ZFAT: variants seen among roughly 807,000 people sequenced by gnomAD.
ZFAT encodes the protein zinc finger protein ZFAT.
ZFAT carries 64 observed loss-of-function variants against 117.7 expected under a neutral mutation model. That is an observed-to-expected ratio of 0.54 (90% CI 0.44 to 0.67). ZFAT has a LOEUF of 0.67. ZFAT is among the 30% of genes least tolerant of loss of function. The pLI is 0.00. For synonymous variants in ZFAT, 679 were observed against 615.0 expected (o/e 1.10, Z -1.54); for missense variants, 1,433 against 1,584.5 (o/e 0.90, Z 1.62).
chr8:134,511,933 T>C (rs902384560), intron 14 of ZFAT, among the ~76,000 whole-genome samples: 2 of 152,144 alleles, frequency 1.3e-5, no homozygotes, highest in Non-Finnish European at 2.9e-5. Flanking sequence ...TCTCTGCTAC[T>C]CTCTACCACC....
At chr8:134,545,048 C>T (rs1306933467) in intron 11 of ZFAT, among the ~76,000 whole-genome samples, 2 of 152,166 alleles carry the variant, frequency 1.3e-5, no homozygotes, top group African/African-American at 2.4e-5. Flanking sequence ...ACAGAAGGAA[C>T]CCAATTATCC....
At chr8:134,616,443 C>T (rs181246181) in intron 3 of ZFAT, among the ~76,000 whole-genome samples, 111 of 152,250 alleles carry the variant, frequency 7.3e-4, no homozygotes, top group Non-Finnish European at 1.1e-3. Context: ...GCGTTTTGTC[C>T]CCTGAAATGC....
At chr8:134,742,007 C>G in the ZFAT span, among the ~76,000 whole-genome samples, 1 of 152,166 alleles carries the variant, frequency 6.6e-6, no homozygotes, top group African/African-American at 2.4e-5. Context: ...TGTGCCTCAT[C>G]AGTTTCCTCT....
At chr8:134,824,450 C>T in the ZFAT span, among the ~76,000 whole-genome samples, 5 of 152,184 alleles carry the variant, frequency 3.3e-5, no homozygotes, top group Non-Finnish European at 7.4e-5. Flanking sequence ...CAGAACCTTG[C>T]TCAACTGAAA....
In ZFAT at chr8:134,602,298, C is replaced by T. The variant is rs374372896; in HGVS notation, c.1421G>A (p.Arg474His). Reference protein sequence around the residue: ...RKKFVSSIRLRTHIKEVHGAA... With the variant: ...RKKFVSSIRLHTHIKEVHGAA... ...CCCGTGCACCTCTTTGATGTGGGTGCGCAGCCTGATGGAGCTGACGAACTT... is the reference window on the plus strand; with the variant it reads ...CCCGTGCACCTCTTTGATGTGGGTGTGCAGCCTGATGGAGCTGACGAACTT... The change falls in exon 6 of 16, where the codon CGC (arginine) becomes CAC (histidine). Residue 474 changes from arginine (R) to histidine (H), a missense_variant. Coordinates refer to ENST00000377838, the MANE Select transcript of ZFAT (RefSeq NM_020863.4). 61 of 1,613,830 alleles carry T rather than the reference C, an allele frequency of 3.8e-5. No homozygotes were observed. The highest frequency in any genetic ancestry group is 4.4e-5 in the South Asian group (4 of 91,096).
intron 1 of ZFAT, among the ~76,000 whole-genome samples, chr8:134,699,642 C>G (rs890201856): frequency 4.1e-4 from 62 of 152,316 alleles, no homozygotes; most frequent in African/African-American, 1.3e-3. Context: ...AAGCTCAAAT[C>G]CTGGCTGGAC....
intron 1 of ZFAT, among the ~76,000 whole-genome samples, chr8:134,694,256 G>A (rs1034049717): frequency 6.6e-6 from 1 of 152,220 alleles, no homozygotes; most frequent in Non-Finnish European, 1.5e-5. Flanking sequence ...GACATCTCAA[G>A]AGGAGCGCTA....
chr8:134,768,569 A>G, the ZFAT span, among the ~76,000 whole-genome samples: 2 of 152,226 alleles, frequency 1.3e-5, no homozygotes, highest in Admixed American at 6.5e-5. Flanking sequence ...CATATCTTAC[A>G]TGAGTGGCAG....
At chr8:134,712,758 C>G (rs1170336797) in intron 1 of ZFAT, 87 bp downstream of exon 1, 2 of 1,373,292 alleles carry the variant, frequency 1.5e-6, no homozygotes, top group Non-Finnish European at 1.9e-6. Context: ...CGCACTGCTT[C>G]CCGACTCGAC....
At chr8:134,587,561 G>A (rs1472268111) in intron 9 of ZFAT, among the ~76,000 whole-genome samples, 1 of 152,142 alleles carries the variant, frequency 6.6e-6, no homozygotes, top group African/African-American at 2.4e-5. Context: ...TGTCTGGAAG[G>A]GCTTTCCCTG....
the ZFAT span, among the ~76,000 whole-genome samples, chr8:134,744,444 C>A: frequency 6.6e-6 from 1 of 151,830 alleles, no homozygotes; most frequent in African/African-American, 2.4e-5. Context: ...TACAGGCACC[C>A]GCCACCATGC....
the ZFAT span, chr8:134,785,310 G>A: frequency 1.3e-5 from 2 of 152,008 alleles, no homozygotes; most frequent in South Asian, 2.1e-4. Flanking sequence ...TACCTTCCAC[G>A]TCTGTGGCTG....
At chr8:134,501,636 G>A (rs1317900119) in intron 15 of ZFAT, among the ~76,000 whole-genome samples, 3 of 152,216 alleles carry the variant, frequency 2.0e-5, no homozygotes, top group Admixed American at 2.0e-4. Context: ...CACACGCACA[G>A]GCAAGATGAA....
At chr8:134,816,977 T>A in the ZFAT span, among the ~76,000 whole-genome samples, 1 of 139,184 alleles carries the variant, frequency 7.2e-6, no homozygotes, top group Non-Finnish European at 1.5e-5. Flanking sequence ...TAAGACTCCA[T>A]CTCAAAAAAA....
intron 2 of ZFAT, among the ~76,000 whole-genome samples, chr8:134,639,376 G>C (rs1453236020): frequency 1.3e-5 from 2 of 152,182 alleles, no homozygotes; most frequent in African/African-American, 4.8e-5. Flanking sequence ...GGTCAGCCTT[G>C]GCTGAAAGAT....
the ZFAT span, among the ~76,000 whole-genome samples, chr8:134,787,942 ATAAGT>A: frequency 2.0e-5 from 3 of 152,118 alleles, no homozygotes; most frequent in African/African-American, 7.2e-5. Context: ...AGTGACCTTG[ATAAGT>A]TATTTTGTTT....
rs1302009509 is a variant in ZFAT, at chr8:134,712,845, C to G, written c.19G>C (p.Glu7Gln). 2 of 1,504,074 alleles carry G rather than the reference C, an allele frequency of 1.3e-6. No homozygotes were observed. Among genetic ancestry groups the G allele is most frequent in the Admixed American group, 2.2e-5 (1 of 45,956 alleles). The allele number at this position is 1,504,074 out of a possible 1,614,324, so 93.2% of individuals were successfully genotyped here. The change falls in exon 1 of 16, where the codon GAA becomes CAA. Residue 7 changes from glutamate (E) to glutamine (Q), a missense_variant and splice_region_variant. Physicochemically the swap from Glu to Gln is conservative, Grantham distance 29. This residue lies in a region of ZFAT where 436 missense variants were observed against 482.0 expected (regional missense o/e 0.90). Coordinates refer to ENST00000377838, the MANE Select transcript of ZFAT (RefSeq NM_020863.4). METRAA[E>Q]NTAIFMCKCC... ...CACCCCAACCCCCAGCCCGGCTCAC[C>G]TGCCGCCCGCGTCTCCATGGCAACG...
the ZFAT span, among the ~76,000 whole-genome samples, chr8:134,827,142 C>T: frequency 6.6e-6 from 1 of 152,108 alleles, no homozygotes; most frequent in East Asian, 1.9e-4. Context: ...GCCTCAACCT[C>T]CTGGGCTCAA....
the ZFAT span, among the ~76,000 whole-genome samples, chr8:134,804,719 T>C: frequency 2.0e-5 from 3 of 152,192 alleles, no homozygotes; most frequent in Admixed American, 2.0e-4. Context: ...ATCCTGTTAT[T>C]AGGAGAGCAC....
Sources: allele counts gnomAD v4.1 joint callset (sites outside exome capture counted in the v4.1 genomes callset), GRCh38; gene constraint gnomAD v4.1.1; regional missense constraint gnomAD v4.1.1; transcripts MANE v1.5; gene names NCBI Gene and HGNC (gene_info 2026-07-23, HGNC 2026-07-21).